SDK1: variants seen among roughly 807,000 people sequenced by gnomAD.
SDK1 encodes sidekick cell adhesion molecule 1, also known as protein sidekick-1.
A neutral mutation model predicts 245.5 loss-of-function variants in SDK1; 157 were observed. The ratio of observed to expected loss-of-function variants is 0.64; its 90% CI spans 0.56 to 0.73. The LOEUF is 0.73. SDK1 is among the 30% of genes least tolerant of loss of function. The pLI is 0.00. For missense variants in SDK1, 3,583 were observed against 3,002.3 expected, an observed-to-expected ratio of 1.19 and a Z score of -4.52; for synonymous variants, 1,647 against 1,278.5, an observed-to-expected ratio of 1.29 and a Z score of -6.15.
chr7:3,345,962 T>A (rs1007993738), intron 1 of SDK1, among the ~76,000 whole-genome samples: 5 of 152,220 alleles, frequency 3.3e-5, no homozygotes, highest in African/African-American at 9.6e-5. Flanking sequence ...GTTTTCTGTC[T>A]TTTAAGCATA....
chr7:3,420,367 G>A (rs950560698), intron 1 of SDK1, among the ~76,000 whole-genome samples: 1 of 152,134 alleles, frequency 6.6e-6, no homozygotes, highest in Non-Finnish European at 1.5e-5. Flanking sequence ...AACTCAGATC[G>A]TTTCAACAAC....
chr7:4,068,596 C>T (rs985742808), intron 20 of SDK1, among the ~76,000 whole-genome samples: 22 of 152,006 alleles, frequency 1.4e-4, no homozygotes, highest in Non-Finnish European at 2.5e-4. Flanking sequence ...GGAGGAGGTT[C>T]TGAGCTGTAC....
chr7:3,998,278 C>T (rs932594290), intron 14 of SDK1, among the ~76,000 whole-genome samples: 48 of 152,236 alleles, frequency 3.2e-4, no homozygotes, highest in Non-Finnish European at 5.1e-4. Context: ...GCCCCGGCAG[C>T]ACCTCCCTGC....
intron 44 of SDK1, among the ~76,000 whole-genome samples, chr7:4,250,176 C>T (rs900322781): frequency 7.2e-5 from 11 of 152,142 alleles, no homozygotes; most frequent in African/African-American, 2.2e-4. Flanking sequence ...GCTTCTTTCC[C>T]TTAGCATGAT....
chr7:3,591,428 A>G (rs1362776027), intron 1 of SDK1, among the ~76,000 whole-genome samples: 1 of 152,212 alleles, frequency 6.6e-6, no homozygotes, highest in Non-Finnish European at 1.5e-5. Flanking sequence ...CCCATTATTA[A>G]TTCCTGCCTG....
intron 1 of SDK1, among the ~76,000 whole-genome samples, chr7:3,358,989 T>A (rs577234485): frequency 6.6e-6 from 1 of 152,326 alleles, no homozygotes; most frequent in South Asian, 2.1e-4. Context: ...GTTTTTAGTC[T>A]GTTTTTCTAA....
chr7:3,659,776 C>T (rs936478524), intron 4 of SDK1, among the ~76,000 whole-genome samples: 14 of 152,122 alleles, frequency 9.2e-5, no homozygotes, highest in Admixed American at 2.0e-4. Context: ...CTGCAAATGC[C>T]CCGGCAAGGG....
At chr7:3,484,761 A>G (rs543188745) in intron 1 of SDK1, among the ~76,000 whole-genome samples, 1 of 152,174 alleles carries the variant, frequency 6.6e-6, no homozygotes, top group South Asian at 2.1e-4. Flanking sequence ...AACATGGGAT[A>G]TTTGTCTTTC....
chr7:3,767,648 T>A (rs10230252), intron 4 of SDK1, among the ~76,000 whole-genome samples: 1 of 152,140 alleles, frequency 6.6e-6, no homozygotes, highest in Non-Finnish European at 1.5e-5. Flanking sequence ...CTCATCACTT[T>A]ACAGATGAAG....
chr7:3,955,737 A>G (rs905017533), intron 7 of SDK1, among the ~76,000 whole-genome samples: 1 of 152,206 alleles, frequency 6.6e-6, no homozygotes, highest in African/African-American at 2.4e-5. Context: ...AGCATTGGGG[A>G]TGGGAGAGCA....
At chr7:3,455,191 T>C (rs1202084403) in intron 1 of SDK1, among the ~76,000 whole-genome samples, 1 of 152,076 alleles carries the variant, frequency 6.6e-6, no homozygotes, top group Non-Finnish European at 1.5e-5. Context: ...ATACTTGTTC[T>C]TTGCTGGATA....
chr7:4,203,181 A>G (rs1783993393), intron 35 of SDK1, among the ~76,000 whole-genome samples: 1 of 152,234 alleles, frequency 6.6e-6, no homozygotes, highest in South Asian at 2.1e-4. Context: ...ACGCAAGGCC[A>G]TCCAAGCAAC....
chr7:3,741,848 A>G (rs556869905), intron 4 of SDK1, among the ~76,000 whole-genome samples: 15 of 152,190 alleles, frequency 9.9e-5, no homozygotes, highest in African/African-American at 1.4e-4. Context: ...GTGTGTATAT[A>G]CGTGTGTGTG....
chr7:3,711,566 G>A (rs1785052643), intron 4 of SDK1, among the ~76,000 whole-genome samples: 2 of 152,212 alleles, frequency 1.3e-5, no homozygotes, highest in African/African-American at 4.8e-5. Context: ...ATAAGAAGGA[G>A]CCAGAGATGC....
chr7:4,220,376 C>T (rs966842001), intron 39 of SDK1, 106 bp downstream of exon 39: 9 of 1,253,438 alleles, frequency 7.2e-6, no homozygotes, highest in African/African-American at 4.5e-5. Context: ...GTGATGTTGG[C>T]GGCCAAGAGC....
At chr7:3,613,680 C>T (rs1421159600) in intron 1 of SDK1, among the ~76,000 whole-genome samples, 1 of 152,102 alleles carries the variant, frequency 6.6e-6, no homozygotes, top group African/African-American at 2.4e-5. Context: ...ATTATAGAGA[C>T]ACAAAGACAC....
intron 1 of SDK1, among the ~76,000 whole-genome samples, chr7:3,561,017 T>C (rs890656658): frequency 3.9e-5 from 6 of 152,190 alleles, no homozygotes; most frequent in African/African-American, 9.7e-5. Context: ...TTGGCACTTA[T>C]CACATCTAAC....
chr7:3,448,945 C>G (rs779932886), intron 1 of SDK1, among the ~76,000 whole-genome samples: 1 of 152,116 alleles, frequency 6.6e-6, no homozygotes, highest in Non-Finnish European at 1.5e-5. Context: ...CGAACAAATT[C>G]ACTAATCAGC....
At chr7:3,622,806 A>G (rs1781984571) in intron 2 of SDK1, among the ~76,000 whole-genome samples, 1 of 152,196 alleles carries the variant, frequency 6.6e-6, no homozygotes. Flanking sequence ...TTCTGAAGCA[A>G]GAATTGTTTG....
Sources: gnomAD v4.1 joint callset for allele counts (sites outside exome capture counted in the v4.1 genomes callset) on GRCh38, gnomAD v4.1.1 for gene constraint, MANE v1.5 for transcripts, NCBI Gene and HGNC (gene_info 2026-07-23, HGNC 2026-07-21) for gene names.